CALN1: variants seen among roughly 807,000 people sequenced by gnomAD.
CALN1 encodes calcium-binding protein 8.
Under a neutral mutation model 30.6 loss-of-function variants are expected in CALN1, and 17 were observed. That is an observed-to-expected ratio of 0.56 (90% confidence interval 0.38 to 0.83). The LOEUF is 0.83. Ranked by LOEUF, CALN1 falls within the 40% of genes least tolerant of loss-of-function variation. The pLI is 0.00. For missense variants in CALN1, 291 were observed against 354.9 expected, an observed-to-expected ratio of 0.82 and a Z score of 1.45; for synonymous variants, 156 against 131.4, an observed-to-expected ratio of 1.19 and a Z score of -1.28.
chr7:72,372,951 G>A (rs1191946734), intron 2 of CALN1, among the ~76,000 whole-genome samples: 1 of 151,052 alleles, frequency 6.6e-6, no homozygotes, highest in Non-Finnish European at 1.5e-5. Context: ...GAATTATCTG[G>A]CAAATTATCT....
At chr7:71,975,705 T>C (rs145285418) in intron 5 of CALN1, among the ~76,000 whole-genome samples, 81 of 152,020 alleles carry the variant, frequency 5.3e-4, no homozygotes, top group East Asian at 4.9e-3. Context: ...GCTGGGATGA[T>C]AGGTGTGAGC....
rs3973907 is a variant in CALN1, at chr7:71,798,123, C to CAGAGAGAGAG, written c.659-10231_659-10222dup. ...AGACAGAGAGAGACAGAGACAGAGA[C>CAGAGAGAGAG]AGAGAGAGAGAGAGAGAGAGAGAGA... On this transcript the variant is annotated intron_variant, in intron 6 of 6. Coordinates refer to ENST00000395275, the MANE Select transcript of CALN1 (RefSeq NM_031468.4). Among the ~76,000 whole-genome samples, 57 of 71,022 alleles carry CAGAGAGAGAG rather than the reference C, an allele frequency of 8.0e-4. 1 individual carries two copies. The highest frequency in any genetic ancestry group is 9.8e-4 in the Non-Finnish European group (38 of 38,842). The allele number at this position is 71,022 out of a possible 152,430, so 46.6% of individuals were successfully genotyped here.
chr7:72,342,258 C>CAA (rs35193419), intron 2 of CALN1, among the ~76,000 whole-genome samples: 5,242 of 126,524 alleles, frequency 0.041, 137 homozygotes, highest in African/African-American at 0.055. Flanking sequence ...GACTTTGTCT[C>CAA]AAAAAAAAAA....
Position 72,384,918 on chromosome 7 carries a change from G to C in CALN1, c.119+18333C>G, listed in dbSNP as rs184868323. 2.1e-3 allele frequency among the ~76,000 whole-genome samples: 314 copies of C among 152,206 alleles called. 1 individual carries two copies. Among genetic ancestry groups the C allele is most frequent in the Non-Finnish European group, 4.9e-4 (33 of 68,016 alleles). On this transcript the variant is annotated intron_variant, in intron 2 of 6. Transcript: ENST00000395275. ...AGAACGCATATCTGATAAAGGACTT[G>C]TAGTCAAAATATACTAAGAAATCTT...
At chr7:71,864,515 A>G (rs1375547042) in intron 5 of CALN1, among the ~76,000 whole-genome samples, 4 of 152,210 alleles carry the variant, frequency 2.6e-5, no homozygotes, top group African/African-American at 9.6e-5. Flanking sequence ...ACCGTGAATT[A>G]GAACGAACCT....
intron 3 of CALN1, among the ~76,000 whole-genome samples, chr7:72,206,887 C>T (rs989075757): frequency 1.3e-5 from 2 of 152,132 alleles, no homozygotes; most frequent in African/African-American, 2.4e-5. Flanking sequence ...GGGACAGCTG[C>T]AACATGGGAA....
chr7:72,309,029 G>A (rs1799857550), intron 2 of CALN1, among the ~76,000 whole-genome samples: 1 of 152,158 alleles, frequency 6.6e-6, no homozygotes, highest in Non-Finnish European at 1.5e-5. Context: ...TATAGATGGG[G>A]AAATGGAGCA....
intron 5 of CALN1, among the ~76,000 whole-genome samples, chr7:71,893,968 A>C (rs1391456142): frequency 6.6e-6 from 1 of 152,080 alleles, no homozygotes; most frequent in Non-Finnish European, 1.5e-5. Flanking sequence ...CCACCTAGAC[A>C]TCACACAACT....
intron 3 of CALN1, among the ~76,000 whole-genome samples, chr7:72,165,499 G>T (rs1788457157): frequency 6.6e-6 from 1 of 151,918 alleles, no homozygotes; most frequent in Middle Eastern, 3.4e-3. Context: ...AACCCAGGAG[G>T]ATCGCTTAAA....
intron 5 of CALN1, among the ~76,000 whole-genome samples, chr7:71,981,125 T>A (rs1462961209): frequency 6.6e-6 from 1 of 152,184 alleles, no homozygotes; most frequent in Non-Finnish European, 1.5e-5. Flanking sequence ...TTAGTTTTTA[T>A]CCATGGTTCC....
At chr7:72,035,105 T>G (rs1160125641) in intron 4 of CALN1, among the ~76,000 whole-genome samples, 1 of 152,194 alleles carries the variant, frequency 6.6e-6, no homozygotes, top group Admixed American at 6.5e-5. Context: ...TCTTTTTTCT[T>G]TTAGTAAAAT....
At position 72,319,760 on chromosome 7, in the gene CALN1, C is replaced by T. The variant is rs139831847; in HGVS notation, c.120-40950G>A. ...CTGTGGTGAGGCTGGGGTGAGATGT[C>T]CACTGAAGGCAAGGGGGGTGGGCCT... is the stretch of plus-strand genomic sequence containing the variant. On this transcript the variant is annotated intron_variant, in intron 2 of 6. Coordinates refer to ENST00000395275, the MANE Select transcript of CALN1 (RefSeq NM_031468.4). Among the ~76,000 whole-genome samples the T allele has an allele frequency of 1.6e-3, 238 of 152,082 alleles. 1 individual carries two copies. The highest frequency in any genetic ancestry group is 3.1e-3 in the South Asian group (15 of 4,808).
At chr7:71,922,920 A>G (rs1456231848) in intron 5 of CALN1, among the ~76,000 whole-genome samples, 1 of 147,234 alleles carries the variant, frequency 6.8e-6, no homozygotes, top group Non-Finnish European at 1.5e-5. Context: ...ATATAAGCAT[A>G]TACAATGTGT....
chr7:71,918,160 T>G (rs1467387465), intron 5 of CALN1, among the ~76,000 whole-genome samples: 1 of 152,222 alleles, frequency 6.6e-6, no homozygotes, highest in Non-Finnish European at 1.5e-5. Flanking sequence ...CAGCTATACT[T>G]GCTTATCACC....
intron 5 of CALN1, among the ~76,000 whole-genome samples, chr7:71,927,111 G>A (rs555399807): frequency 6.6e-6 from 1 of 152,252 alleles, no homozygotes; most frequent in East Asian, 1.9e-4. Flanking sequence ...CAGTACTTTT[G>A]CTTGGTCTGC....
At chr7:72,281,107 G>C (rs1797707927) in intron 2 of CALN1, among the ~76,000 whole-genome samples, 1 of 151,692 alleles carries the variant, frequency 6.6e-6, no homozygotes, top group South Asian at 2.1e-4. Context: ...CCATGCCATT[G>C]CTCTCCAGCC....
At chr7:72,168,557 C>G (rs538792096) in intron 3 of CALN1, among the ~76,000 whole-genome samples, 1 of 152,112 alleles carries the variant, frequency 6.6e-6, no homozygotes, top group East Asian at 1.9e-4. Context: ...TGAAGCTAGA[C>G]GTGGCACCCA....
intron 3 of CALN1, among the ~76,000 whole-genome samples, chr7:72,183,052 T>C (rs1789932087): frequency 6.6e-6 from 1 of 152,054 alleles, no homozygotes; most frequent in African/African-American, 2.4e-5. Flanking sequence ...TTGTTTGTTT[T>C]TGGGGTGTTT....
chr7:72,206,278 T>C (rs1791878300), intron 3 of CALN1, among the ~76,000 whole-genome samples: 1 of 152,216 alleles, frequency 6.6e-6, no homozygotes, highest in African/African-American at 2.4e-5. Context: ...TCTTCGAAAA[T>C]ATAAATGGTC....
Sources: allele counts gnomAD v4.1 joint callset (sites outside exome capture counted in the v4.1 genomes callset), GRCh38; gene constraint gnomAD v4.1.1; transcripts MANE v1.5; gene names NCBI Gene and HGNC (gene_info 2026-07-23, HGNC 2026-07-21).